ARHGAP25: variants seen among roughly 807,000 people sequenced by gnomAD.
ARHGAP25 encodes rho GTPase-activating protein 25.
A neutral mutation model predicts 71.0 loss-of-function variants in ARHGAP25; 34 were observed. The ratio of observed to expected loss-of-function variants is 0.48; its 90% CI spans 0.36 to 0.64. ARHGAP25 has a LOEUF of 0.64. Ranked by LOEUF, ARHGAP25 falls within the 30% of genes least tolerant of loss-of-function variation. The probability of loss-of-function intolerance (pLI) is 0.00; values close to 1 mark genes in which losing one functional copy is unlikely to be tolerated. For missense variants in ARHGAP25, 706 were observed against 805.1 expected (o/e 0.88, Z 1.49); for synonymous variants, 282 against 296.5 (o/e 0.95, Z 0.50).
At chr2:68,798,517 GA>G (rs10694150) in intron 4 of ARHGAP25, among the ~76,000 whole-genome samples, 5 of 146,818 alleles carry the variant, frequency 3.4e-5, no homozygotes, top group Non-Finnish European at 3.0e-5. Context: ...AGAGGAGAGA[GA>G]AAAAAAAAAA....
At chr2:68,823,814 A>G (rs1457748295) in intron 10 of ARHGAP25, among the ~76,000 whole-genome samples, 2 of 152,212 alleles carry the variant, frequency 1.3e-5, no homozygotes, top group African/African-American at 4.8e-5. Context: ...TGCCTCTGTC[A>G]CATGCAAATT....
chr2:68,764,684 C>G (rs1558621573), intron 1 of ARHGAP25, among the ~76,000 whole-genome samples: 2 of 152,130 alleles, frequency 1.3e-5, no homozygotes, highest in African/African-American at 4.8e-5. Flanking sequence ...TTGGAAGGAG[C>G]TCTCAGGTCT....
rs72893939 is a variant in ARHGAP25 at position 68,723,595 on chromosome 2, G to A, written c.-18+12897G>A. Among the ~76,000 whole-genome samples the A allele has an allele frequency of 3.3e-3, 495 of 152,262 alleles. 1 individual carries two copies. Among genetic ancestry groups the A allele is most frequent in the African/African-American group, 0.012 (483 of 41,536 alleles). Reference sequence around the variant, plus strand: ...TCTCAGAAGCTGTCTTTTCTGTGCGGCACAGTCCCACACTGCTAGCTGAGA... The same window carrying A: ...TCTCAGAAGCTGTCTTTTCTGTGCGACACAGTCCCACACTGCTAGCTGAGA... On this transcript the variant is annotated intron_variant and NMD_transcript_variant, in intron 2 of 7. Coordinates refer to the ARHGAP25 transcript ENST00000463483.
At chr2:68,762,229 A>G (rs984988926) in intron 1 of ARHGAP25, among the ~76,000 whole-genome samples, 14 of 152,198 alleles carry the variant, frequency 9.2e-5, no homozygotes. Flanking sequence ...AGGGCTAGGG[A>G]AAGAAGGAAA....
intron 1 of ARHGAP25, among the ~76,000 whole-genome samples, chr2:68,736,972 C>A (rs1675253611): frequency 6.6e-6 from 1 of 151,956 alleles, no homozygotes; most frequent in Admixed American, 6.6e-5. Context: ...CTTAACTGGG[C>A]ACACAATAAA....
At chr2:68,733,810 G>A (rs1396775062), upstream of ARHGAP25, among the ~76,000 whole-genome samples, 1 of 152,214 alleles carries the variant, frequency 6.6e-6, no homozygotes, top group African/African-American at 2.4e-5. Flanking sequence ...AATGGAGCAA[G>A]GCGTGCAGCT....
chr2:68,720,818 G>A (rs992815750), intron 2 of ARHGAP25, among the ~76,000 whole-genome samples: 2 of 152,080 alleles, frequency 1.3e-5, no homozygotes, highest in South Asian at 2.1e-4. Flanking sequence ...GTTTGCACAC[G>A]TACTGGGCCA....
chr2:68,751,384 A>G (rs1294407606), intron 1 of ARHGAP25, among the ~76,000 whole-genome samples: 1 of 152,252 alleles, frequency 6.6e-6, no homozygotes, highest in African/African-American at 2.4e-5. Flanking sequence ...GTGGAAAGCT[A>G]AGGTGGAGAT....
intron 2 of ARHGAP25, among the ~76,000 whole-genome samples, chr2:68,724,189 G>T (rs1268751999): frequency 6.6e-6 from 1 of 152,086 alleles, no homozygotes; most frequent in African/African-American, 2.4e-5. Flanking sequence ...GCCTGGAAGA[G>T]TGGCTTCTTT....
intron 2 of ARHGAP25, among the ~76,000 whole-genome samples, chr2:68,715,527 C>T (rs976086645): frequency 1.3e-5 from 2 of 152,110 alleles, no homozygotes; most frequent in African/African-American, 4.8e-5. Flanking sequence ...GGGAGGCGGT[C>T]GTGCTCTTGA....
exon 2 of ARHGAP25, chr2:68,710,635 G>A (rs1674458520): frequency 6.6e-6 from 1 of 152,180 alleles, no homozygotes; most frequent in African/African-American, 2.4e-5. Context: ...TCCAGCCTAA[G>A]TGGCTCTGGA....
At chr2:68,823,878 A>G (rs1282671962) in intron 10 of ARHGAP25, among the ~76,000 whole-genome samples, 14 of 152,222 alleles carry the variant, frequency 9.2e-5, no homozygotes, top group Admixed American at 9.2e-4. Flanking sequence ...TATTTTCTTG[A>G]AATATTTTTC....
At chr2:68,775,629 G>T (rs1205659170) in intron 2 of ARHGAP25, 1 of 769,258 alleles carries the variant, frequency 1.3e-6, no homozygotes. Context: ...GCACCAGGAC[G>T]GGCACTGTGG....
intron 2 of ARHGAP25, among the ~76,000 whole-genome samples, chr2:68,714,520 G>A (rs1413543556): frequency 6.6e-6 from 1 of 152,118 alleles, no homozygotes; most frequent in Non-Finnish European, 1.5e-5. Flanking sequence ...CTTGTCTTCT[G>A]CTAGCTTTTG....
chr2:68,727,146 T>G (rs1362692739), intron 2 of ARHGAP25, among the ~76,000 whole-genome samples: 1 of 152,168 alleles, frequency 6.6e-6, no homozygotes, highest in African/African-American at 2.4e-5. Flanking sequence ...TAGTATTTGC[T>G]AAAAGCGTGG....
At chr2:68,746,709 C>T (rs1039878644) in intron 1 of ARHGAP25, among the ~76,000 whole-genome samples, 17 of 145,952 alleles carry the variant, frequency 1.2e-4, no homozygotes, top group African/African-American at 4.6e-4. Flanking sequence ...GACCACCCCC[C>T]TCCCCATCCC....
At chr2:68,750,815 C>G (rs1676124733) in intron 1 of ARHGAP25, among the ~76,000 whole-genome samples, 2 of 152,188 alleles carry the variant, frequency 1.3e-5, no homozygotes, top group Non-Finnish European at 2.9e-5. Context: ...GGCCCCAGAT[C>G]CTGCTCACAC....
intron 10 of ARHGAP25, among the ~76,000 whole-genome samples, 183 bp downstream of exon 10, chr2:68,823,055 CTAAACTT>C (rs1221670347): frequency 6.6e-6 from 1 of 152,104 alleles, no homozygotes; most frequent in Non-Finnish European, 1.5e-5. Context: ...GGTGAACACT[CTAAACTT>C]TAAACTAGAT....
intron 4 of ARHGAP25, among the ~76,000 whole-genome samples, chr2:68,796,428 A>G (rs1316851652): frequency 6.6e-6 from 1 of 152,166 alleles, no homozygotes; most frequent in Non-Finnish European, 1.5e-5. Context: ...CTGTATTGTT[A>G]CATTGATTTC....
Sources: allele counts gnomAD v4.1 joint callset (sites outside exome capture counted in the v4.1 genomes callset), GRCh38; gene constraint gnomAD v4.1.1; transcripts MANE v1.5; gene names NCBI Gene and HGNC (gene_info 2026-07-23, HGNC 2026-07-21).